PACS2: variants seen among roughly 807,000 people sequenced by gnomAD.
PACS2 encodes the protein PACS1-like protein.
In PACS2, 36 loss-of-function variants were observed where a neutral mutation model predicts 113.0. That is an observed-to-expected ratio of 0.32 (90% CI 0.24 to 0.42). The LOEUF (loss-of-function observed/expected upper bound fraction) is 0.42. Ranked by LOEUF, PACS2 falls within the 10% of genes least tolerant of loss-of-function variation. The probability of loss-of-function intolerance (pLI) is 1.00; values close to 1 mark genes in which losing one functional copy is unlikely to be tolerated. For synonymous variants in PACS2, 589 were observed against 536.1 expected (o/e 1.10, Z -1.36); for missense variants, 1,015 against 1,239.5 (o/e 0.82, Z 2.72).
chr14:105,337,908 C>G (rs2059586246), intron 1 of PACS2, among the ~76,000 whole-genome samples: 1 of 152,244 alleles, frequency 6.6e-6, no homozygotes, highest in Non-Finnish European at 1.5e-5. Context: ...GTCTCAGCCC[C>G]CACATGTGCA....
intron 20 of PACS2, chr14:105,390,301 A>G: frequency 2.2e-6 from 1 of 450,284 alleles, no homozygotes; most frequent in Non-Finnish European, 4.1e-6. Context: ...CCCACGTCTC[A>G]GGAGAGGAGA....
chr14:105,394,703 C>A lies in PACS2; in HGVS notation c.*31C>A, dbSNP rs1595202035. 7.1e-7 allele frequency: 1 copy of A among 1,402,158 alleles called. No homozygotes were observed. Among genetic ancestry groups the A allele is most frequent in the Non-Finnish European group, 1.0e-6 (1 of 987,026 alleles). 86.9% of individuals were successfully genotyped at this position (1,402,158 alleles called of 1,614,324 possible). On this transcript the variant is annotated 3_prime_UTR_variant, in exon 25 of 25. Transcript: ENST00000447393. ...CCCACCAGGGGGCCCACCTCCTGCC[C>A]CATGCTGTGAGGGGCCCAGCTGCAT...
chr14:105,303,608 G>C (rs923726951), intron 1 of PACS2, among the ~76,000 whole-genome samples: 8 of 152,124 alleles, frequency 5.3e-5, no homozygotes, highest in Admixed American at 1.3e-4. Context: ...TTTATAAATA[G>C]GCATTTTATT....
intron 13 of PACS2, 144 bp downstream of exon 13, chr14:105,382,202 A>G: frequency 1.0e-6 from 1 of 987,386 alleles, no homozygotes; most frequent in Non-Finnish European, 1.5e-6. Context: ...CTCCTGCTAC[A>G]CAGCAGGGCG....
At chr14:105,382,940 C>A in intron 15 of PACS2, 27 bp downstream of exon 15, 1 of 1,369,916 alleles carries the variant, frequency 7.3e-7, no homozygotes, top group Non-Finnish European at 1.0e-6. Flanking sequence ...CCTGTACTCA[C>A]CACCCAAGTA....
rs1205010775 is a variant in PACS2, at chr14:105,314,892, C to T, written c.-27C>T. ...CCGCGGCCCGGCCGCAGCCCCAGGC[C>T]GCCGAGGGAGCGGCGGGGCCGGCGC... is the stretch of plus-strand genomic sequence containing the variant. On this transcript the variant is annotated 5_prime_UTR_variant, in exon 1 of 25. Transcript: ENST00000447393. 3 of 966,710 alleles carry T rather than the reference C, an allele frequency of 3.1e-6. No homozygotes were observed. The highest frequency in any genetic ancestry group is 2.3e-4 in the East Asian group (2 of 8,796). 59.9% of individuals were successfully genotyped at this position (966,710 alleles called of 1,614,324 possible).
At chr14:105,332,210 T>C (rs10141048) in intron 1 of PACS2, among the ~76,000 whole-genome samples, 17,570 of 152,212 alleles carry the variant, frequency 0.12, 3,437 homozygotes, top group African/African-American at 0.4. Context: ...TCCTGTGCCT[T>C]GCCGTGGGGC....
intron 9 of PACS2, among the ~76,000 whole-genome samples, chr14:105,379,210 G>A (rs1555411275): frequency 6.6e-6 from 1 of 152,206 alleles, no homozygotes; most frequent in African/African-American, 2.4e-5. Flanking sequence ...TGGATAGTCT[G>A]GATAGGCCTG....
chr14:105,338,400 AG>A (rs1555400989), intron 1 of PACS2, among the ~76,000 whole-genome samples: 1 of 152,006 alleles, frequency 6.6e-6, no homozygotes, highest in Non-Finnish European at 1.5e-5. Flanking sequence ...GTCCCTGCCG[AG>A]GGGGGCGGTG....
chr14:105,393,795 TGG>T (rs2081447061), intron 24 of PACS2, among the ~76,000 whole-genome samples: 1 of 152,120 alleles, frequency 6.6e-6, no homozygotes, highest in South Asian at 2.1e-4. Context: ...TTTACCGTGT[TGG>T]CCAGGCTGGT....
chr14:105,335,361 G>A (rs1407569642), intron 1 of PACS2, among the ~76,000 whole-genome samples: 1 of 147,264 alleles, frequency 6.8e-6, no homozygotes. Context: ...TGGCTGTGAC[G>A]CTGTGGCCGG....
intron 20 of PACS2, 35 bp downstream of exon 20, chr14:105,390,038 G>A (rs191365304): frequency 2.5e-5 from 39 of 1,587,854 alleles, no homozygotes; most frequent in South Asian, 3.3e-5. Context: ...ATGGGAAACC[G>A]CACACCTGCC....
At chr14:105,362,205 T>A (rs1199743508) in intron 4 of PACS2, among the ~76,000 whole-genome samples, 3 of 149,970 alleles carry the variant, frequency 2.0e-5, no homozygotes, top group African/African-American at 5.0e-5. Flanking sequence ...GATCACGAGG[T>A]CAGGAGATCA....
intron 9 of PACS2, among the ~76,000 whole-genome samples, chr14:105,378,348 G>T (rs1258870211): frequency 6.6e-6 from 1 of 152,226 alleles, no homozygotes; most frequent in Non-Finnish European, 1.5e-5. Context: ...TTCCACGTGG[G>T]TTTGTCACCC....
chr14:105,345,756 A>G (rs1191864325), intron 1 of PACS2, among the ~76,000 whole-genome samples: 1 of 152,122 alleles, frequency 6.6e-6, no homozygotes, highest in African/African-American at 2.4e-5. Flanking sequence ...GACCCAGCCT[A>G]TGGTCTATCT....
chr14:105,359,678 A>G (rs1160196903), intron 4 of PACS2, among the ~76,000 whole-genome samples: 2 of 128,908 alleles, frequency 1.6e-5, no homozygotes, highest in Non-Finnish European at 3.1e-5. Flanking sequence ...TGCAACCTCC[A>G]CCTCCCAGGT....
intron 1 of PACS2, among the ~76,000 whole-genome samples, chr14:105,334,446 C>A (rs1344310478): frequency 6.7e-6 from 1 of 148,544 alleles, no homozygotes; most frequent in South Asian, 2.1e-4. Flanking sequence ...TAGAGCTCCA[C>A]CTGAGGCCCA....
chr14:105,351,066 C>T lies in PACS2; in HGVS notation c.208-1312C>T, dbSNP rs587631578. 2.6e-5 allele frequency among the ~76,000 whole-genome samples: 4 copies of T among 152,326 alleles called. No homozygotes were observed. The South Asian group carries it at 8.3e-4, about 32-fold the overall frequency. On this transcript the variant is annotated intron_variant, in intron 2 of 24. Transcript: ENST00000447393. ...CACCCGAACCTGGGCTGGCCCCGGGCTCCCGTTGTCTGTCCTGGACCCCCG... is the reference window on the plus strand; with the variant it reads ...CACCCGAACCTGGGCTGGCCCCGGGTTCCCGTTGTCTGTCCTGGACCCCCG...
At chr14:105,334,309 A>G (rs2059418912) in intron 1 of PACS2, among the ~76,000 whole-genome samples, 1 of 152,246 alleles carries the variant, frequency 6.6e-6, no homozygotes, top group South Asian at 2.1e-4. Flanking sequence ...ACTCCAGGGC[A>G]GCGTGGCCAG....
Sources: allele counts gnomAD v4.1 joint callset (sites outside exome capture counted in the v4.1 genomes callset), GRCh38; gene constraint gnomAD v4.1.1; transcripts MANE v1.5; gene names NCBI Gene and HGNC (gene_info 2026-07-23, HGNC 2026-07-21).